The following MCTP1 variants were observed in gnomAD, a reference collection of about 807,000 sequenced individuals.
MCTP1 encodes multiple C2 and transmembrane domain containing 1.
Under a neutral mutation model 120.6 loss-of-function variants are expected in MCTP1, and 69 were observed. The observed-to-expected ratio is 0.57, with a 90% CI of 0.47 to 0.70. MCTP1 has a LOEUF of 0.70. Among genes scored for constraint, MCTP1 ranks in the 30% least tolerant of loss-of-function variants. The pLI is 0.00. For synonymous variants in MCTP1, 529 were observed against 493.1 expected, an observed-to-expected ratio of 1.07 and a Z score of -0.96; for missense variants, 1,203 against 1,248.8, an observed-to-expected ratio of 0.96 and a Z score of 0.55.
chr5:94,897,147 T>C (rs1804227217), intron 10 of MCTP1, among the ~76,000 whole-genome samples: 1 of 149,886 alleles, frequency 6.7e-6, no homozygotes, highest in South Asian at 2.1e-4. Context: ...ACTGCAGCAT[T>C]GACCTCACAA....
intron 1 of MCTP1, among the ~76,000 whole-genome samples, chr5:95,094,113 T>C (rs765317213): frequency 6.6e-6 from 1 of 152,206 alleles, no homozygotes; most frequent in African/African-American, 2.4e-5. Context: ...GACGTGAAGA[T>C]TGAGGTACAA....
chr5:95,091,647 C>T (rs1390186042), intron 1 of MCTP1, among the ~76,000 whole-genome samples: 7 of 152,212 alleles, frequency 4.6e-5, no homozygotes, highest in Non-Finnish European at 2.9e-5. Context: ...CTGGACAGTC[C>T]TGAGCTTTCA....
At position 94,894,777 on chromosome 5, in the gene MCTP1, G is replaced by A. The variant is rs774101506; in HGVS notation, c.1711C>T (p.Leu571=). 1.2e-6 allele frequency: 2 copies of A among 1,613,224 alleles called. No homozygotes were observed. Residue 571 remains leucine (L), a synonymous_variant, in exon 11 of 23, where the codon CTG becomes TTG. Transcript: ENST00000515393. The part of the protein sequence containing the change: ...REQTHKLELQ[L]EEGEGHLVLL... ...ACCAGGTGTCCCTCACCCTCTTCCA[G>A]CTGCAACTCCAGCTTGTGCGTCTGT...
intron 3 of MCTP1, among the ~76,000 whole-genome samples, chr5:94,944,715 T>C (rs1818522038): frequency 6.6e-6 from 1 of 152,178 alleles, no homozygotes; most frequent in African/African-American, 2.4e-5. Context: ...TCAATTCCTA[T>C]TAATCTGCAA....
intron 8 of MCTP1, among the ~76,000 whole-genome samples, chr5:94,914,480 A>G (rs1166897751): frequency 6.6e-6 from 1 of 152,274 alleles, no homozygotes; most frequent in Non-Finnish European, 1.5e-5. Context: ...TACATTCTTC[A>G]AAAGATAATA....
At position 94,918,046 on chromosome 5, in the gene MCTP1, A is replaced by G. The variant is rs1298966088; in HGVS notation, c.1273-73T>C. On this transcript the variant is annotated intron_variant, in intron 7 of 22. Coordinates refer to ENST00000515393, the MANE Select transcript of MCTP1 (RefSeq NM_024717.7). Reference sequence around the variant, plus strand: ...TTCTCAACCCCTCATTTTGATCAGCAGTTTGAATTACTCTTCAGAAAACAT... The same window carrying G: ...TTCTCAACCCCTCATTTTGATCAGCGGTTTGAATTACTCTTCAGAAAACAT... 24 of 1,094,360 alleles carry G rather than the reference A, an allele frequency of 2.2e-5. No individual in the cohort carries two copies. In the Admixed American group the frequency reaches 4.4e-4, roughly 20 times the overall value. 67.8% of individuals were successfully genotyped at this position (1,094,360 alleles called of 1,614,324 possible).
At chr5:94,935,846 C>T (rs1024451716) in intron 5 of MCTP1, among the ~76,000 whole-genome samples, 2 of 151,988 alleles carry the variant, frequency 1.3e-5, no homozygotes, top group South Asian at 2.1e-4. Context: ...GCATTTTTAG[C>T]TTAAATTTCT....
intron 1 of MCTP1, among the ~76,000 whole-genome samples, chr5:95,282,484 A>C (rs530317465): frequency 6.6e-6 from 1 of 152,322 alleles, no homozygotes; most frequent in Admixed American, 6.5e-5. Context: ...CACGCTCAAA[A>C]ATAAATACTT....
chr5:94,714,623 C>T (rs1261353217), intron 20 of MCTP1, among the ~76,000 whole-genome samples, 154 bp downstream of exon 20: 1 of 152,128 alleles, frequency 6.6e-6, no homozygotes, highest in African/African-American at 2.4e-5. Flanking sequence ...AAGCCAAAGA[C>T]TGGCAGAAAT....
At chr5:95,123,492 A>G (rs1217929657) in intron 1 of MCTP1, among the ~76,000 whole-genome samples, 1 of 152,166 alleles carries the variant, frequency 6.6e-6, no homozygotes, top group Non-Finnish European at 1.5e-5. Context: ...ATCCACCTTG[A>G]GTTTTCCAAG....
intron 12 of MCTP1, among the ~76,000 whole-genome samples, chr5:94,880,860 A>G (rs780794199): frequency 6.6e-5 from 10 of 152,190 alleles, no homozygotes; most frequent in Non-Finnish European, 1.0e-4. Flanking sequence ...CTATTCTATA[A>G]TTTGCCTTCT....
intron 19 of MCTP1, among the ~76,000 whole-genome samples, chr5:94,739,838 T>G (rs1387094177): frequency 2.8e-4 from 42 of 152,158 alleles, no homozygotes; most frequent in Admixed American, 2.8e-3. Flanking sequence ...CAGCTAATTT[T>G]TGTGTTTTTA....
At chr5:95,036,089 G>A (rs566922276) in intron 1 of MCTP1, among the ~76,000 whole-genome samples, 9 of 152,142 alleles carry the variant, frequency 5.9e-5, no homozygotes, top group Non-Finnish European at 1.3e-4. Flanking sequence ...AAATTCAAAT[G>A]TCATGAAAAA....
At chr5:94,953,805 A>G (rs972707668) in intron 2 of MCTP1, among the ~76,000 whole-genome samples, 2 of 110,424 alleles carry the variant, frequency 1.8e-5, no homozygotes, top group Admixed American at 2.1e-4. Context: ...ATATATATAC[A>G]TATATATATA....
intron 10 of MCTP1, among the ~76,000 whole-genome samples, chr5:94,905,854 CCAGTAT>C (rs2153428023): frequency 6.6e-6 from 1 of 151,998 alleles, no homozygotes; most frequent in East Asian, 1.9e-4. Flanking sequence ...ACCATGGGAG[CCAGTAT>C]AGATGAAGAA....
chr5:94,943,706 G>A (rs765120523), intron 3 of MCTP1, among the ~76,000 whole-genome samples: 1 of 151,954 alleles, frequency 6.6e-6, no homozygotes, highest in Non-Finnish European at 1.5e-5. Context: ...ATTCTGATAA[G>A]TGTTTTAAGG....
intron 2 of MCTP1, among the ~76,000 whole-genome samples, chr5:94,974,902 G>C (rs998123040): frequency 1.3e-5 from 2 of 152,020 alleles, no homozygotes; most frequent in African/African-American, 4.8e-5. Flanking sequence ...AATGACCATG[G>C]TAATGAAATA....
chr5:95,124,542 C>G (rs1256961753), intron 1 of MCTP1, among the ~76,000 whole-genome samples: 1 of 152,136 alleles, frequency 6.6e-6, no homozygotes, highest in African/African-American at 2.4e-5. Flanking sequence ...GAGTAAGATT[C>G]CAGAACTCCA....
At chr5:94,853,349 A>G (rs955217233) in intron 17 of MCTP1, among the ~76,000 whole-genome samples, 24 of 151,966 alleles carry the variant, frequency 1.6e-4, no homozygotes, top group African/African-American at 5.3e-4. Flanking sequence ...GAGAATGGAC[A>G]GTGGCAGGAA....
Sources: allele counts gnomAD v4.1 joint callset (sites outside exome capture counted in the v4.1 genomes callset), GRCh38; gene constraint gnomAD v4.1.1; transcripts MANE v1.5; gene names NCBI Gene and HGNC (gene_info 2026-07-23, HGNC 2026-07-21).